Variants in ASXL2 observed in about 807,000 individuals in gnomAD.
The protein encoded by ASXL2 is putative Polycomb group protein ASXL2.
A neutral mutation model predicts 122.0 loss-of-function variants in ASXL2; 23 were observed. That is an observed-to-expected ratio of 0.19 (90% CI 0.14 to 0.27). The LOEUF is 0.27. ASXL2 is among the 10% of genes least tolerant of loss of function. The probability of loss-of-function intolerance (pLI) is 1.00; values close to 1 mark genes in which losing one functional copy is unlikely to be tolerated. For missense variants in ASXL2, 1,518 were observed against 1,713.8 expected, an observed-to-expected ratio of 0.89 and a Z score of 2.02; for synonymous variants, 650 against 637.0, an observed-to-expected ratio of 1.02 and a Z score of -0.31.
chr2:25,744,285 G>GGCGGCTGCAGCAGCT lies in ASXL2; in HGVS notation c.2037_2051dup (p.Ala680_Ala684dup). The GGCGGCTGCAGCAGCT allele has an allele frequency of 6.2e-7, 1 of 1,612,258 alleles. No individual in the cohort carries two copies. The highest frequency in any genetic ancestry group is 8.5e-7 in the Non-Finnish European group (1 of 1,179,442). ...GTCCTGGAATGGTCCCTCCAACTGA[G>GGCGGCTGCAGCAGCT]GCGGCTGCAGCAGCTGCGGCGGCAG... On this transcript the variant is annotated inframe_insertion, in exon 13 of 13. Coordinates refer to ENST00000435504, the MANE Select transcript of ASXL2 (RefSeq NM_018263.6). This position sits in a 1 kb window ranked among gnomAD's most constrained non-coding sequence, Gnocchi z 4.7.
intron 1 of ASXL2, among the ~76,000 whole-genome samples, chr2:25,868,378 C>T (rs1006434844): frequency 6.6e-6 from 1 of 152,158 alleles, no homozygotes; most frequent in Non-Finnish European, 1.5e-5. Flanking sequence ...AAGTCAGTAG[C>T]CAAGAAATTT....
chr2:25,850,852 A>G (rs1394728543), intron 1 of ASXL2, among the ~76,000 whole-genome samples: 1 of 152,184 alleles, frequency 6.6e-6, no homozygotes, highest in Non-Finnish European at 1.5e-5. Context: ...TTCATATTAA[A>G]AAAGCAGGAT....
intron 9 of ASXL2, among the ~76,000 whole-genome samples, chr2:25,757,547 C>A (rs1410523967): frequency 1.3e-5 from 2 of 150,168 alleles, no homozygotes; most frequent in African/African-American, 2.4e-5. Context: ...TGGTGGCACA[C>A]GCCTGTAATC....
chr2:25,822,895 G>C (rs2089328770), intron 3 of ASXL2: 1 of 546,934 alleles, frequency 1.8e-6, no homozygotes, highest in Non-Finnish European at 3.7e-6. Flanking sequence ...GAAGTAGATG[G>C]AGCAGGTGAT....
intron 2 of ASXL2, among the ~76,000 whole-genome samples, chr2:25,837,523 T>C (rs2089525598): frequency 6.6e-6 from 1 of 152,302 alleles, no homozygotes; most frequent in Middle Eastern, 3.4e-3. Flanking sequence ...CTTTTGTTTT[T>C]ACAATTTTCG....
intron 5 of ASXL2, among the ~76,000 whole-genome samples, chr2:25,788,765 T>C (rs2088787606): frequency 6.6e-6 from 1 of 152,192 alleles, no homozygotes. Flanking sequence ...TCTTTGCCCA[T>C]TTTTCTATGA....
intron 1 of ASXL2, among the ~76,000 whole-genome samples, chr2:25,859,285 T>C (rs1317325780): frequency 1.3e-5 from 2 of 152,144 alleles, no homozygotes. Context: ...CTGAAATATA[T>C]ATTTAATTAC....
intron 3 of ASXL2, among the ~76,000 whole-genome samples, chr2:25,830,514 T>C (rs1190774976): frequency 9.2e-5 from 14 of 151,512 alleles, no homozygotes; most frequent in Admixed American, 5.3e-4. Context: ...TAGTCCCAGC[T>C]ACTTGGGAGG....
chr2:25,779,286 C>G (rs942542114), intron 5 of ASXL2, among the ~76,000 whole-genome samples: 3 of 151,538 alleles, frequency 2.0e-5, no homozygotes, highest in African/African-American at 7.3e-5. Context: ...TTAGTAGAGA[C>G]GAGGTTTTGC....
intron 5 of ASXL2, among the ~76,000 whole-genome samples, chr2:25,794,283 T>A (rs548043300): frequency 1.5e-4 from 23 of 152,304 alleles, no homozygotes; most frequent in African/African-American, 5.3e-4. Context: ...TAAGACACTT[T>A]AAAAGCAGAC....
chr2:25,866,357 T>G (rs1052113402), intron 1 of ASXL2, among the ~76,000 whole-genome samples: 1 of 152,088 alleles, frequency 6.6e-6, no homozygotes, highest in African/African-American at 2.4e-5. Flanking sequence ...TCTCCATCTC[T>G]TGACCTCGTG....
intron 3 of ASXL2, among the ~76,000 whole-genome samples, chr2:25,819,396 T>C (rs1008887678): frequency 2.6e-5 from 4 of 152,122 alleles, no homozygotes; most frequent in Admixed American, 6.6e-5. Context: ...CCAAAATACT[T>C]ACTAATTACA....
chr2:25,842,086 T>C (rs2089588022), intron 2 of ASXL2, among the ~76,000 whole-genome samples: 1 of 146,764 alleles, frequency 6.8e-6, no homozygotes, highest in Non-Finnish European at 1.5e-5. Flanking sequence ...CACTCCAGCC[T>C]GGGCGACAAG....
In ASXL2 at chr2:25,749,774, C is replaced by T; in HGVS notation, c.1782G>A (p.Gln594=). 6.3e-7 allele frequency: 1 copy of T among 1,598,382 alleles called. No homozygotes were observed. The highest frequency in any genetic ancestry group is 8.5e-7 in the Non-Finnish European group (1 of 1,175,012). Residue 594 remains glutamine (Q), a synonymous_variant, in exon 12 of 13, where the codon CAG becomes CAA. Coordinates refer to ENST00000435504, the MANE Select transcript of ASXL2 (RefSeq NM_018263.6). ...RPRVTENRQH[Q]QPFQVSPQPF... ...GCTGTGGTGAGACCTGAAATGGCTG[C>T]TGGTGCTGGCGATTCTCAGTGACAC...
At chr2:25,823,862 G>C (rs1017195986) in intron 3 of ASXL2, among the ~76,000 whole-genome samples, 1 of 151,796 alleles carries the variant, frequency 6.6e-6, no homozygotes, top group African/African-American at 2.4e-5. Flanking sequence ...TAAGTGTCTG[G>C]CTTACTGTAA....
intron 5 of ASXL2, among the ~76,000 whole-genome samples, chr2:25,789,687 G>C (rs918186382): frequency 2.0e-5 from 3 of 152,134 alleles, no homozygotes. Flanking sequence ...GTTCATTGGA[G>C]CATTCTGGAT....
At chr2:25,857,092 G>GGGC in intron 1 of ASXL2, 1 of 114,438 alleles carries the variant, frequency 8.7e-6, no homozygotes. Context: ...GGGGGGGGCG[G>GGGC]GGGGGGGGAG....
chr2:25,770,273 A>G (rs13022852), intron 6 of ASXL2, among the ~76,000 whole-genome samples: 38,713 of 151,844 alleles, frequency 0.25, 5,176 homozygotes, highest in Non-Finnish European at 0.29. Context: ...CAGTGGCACG[A>G]TCTCGGCTCA....
chr2:25,797,538 CAAT>C, intron 5 of ASXL2, among the ~76,000 whole-genome samples: 1 of 152,124 alleles, frequency 6.6e-6, no homozygotes, highest in East Asian at 1.9e-4. Flanking sequence ...TAAAGCTCAA[CAAT>C]AAGAAAACAC....
Sources: gnomAD v4.1 joint callset for allele counts (sites outside exome capture counted in the v4.1 genomes callset) on GRCh38, gnomAD v4.1.1 for gene constraint, Gnocchi (gnomAD v3.1) non-coding constraint, MANE v1.5 for transcripts, NCBI Gene and HGNC (gene_info 2026-07-23, HGNC 2026-07-21) for gene names.